HS3ST4: variants seen among roughly 807,000 people sequenced by gnomAD.
HS3ST4 encodes heparan sulfate glucosamine 3-O-sulfotransferase 4.
Under a neutral mutation model 29.2 loss-of-function variants are expected in HS3ST4, and 17 were observed. That is an observed-to-expected ratio of 0.58 (90% CI 0.40 to 0.87). The LOEUF (loss-of-function observed/expected upper bound fraction) is 0.87, where lower values mean the gene tolerates loss of function less well. HS3ST4 is among the 40% of genes least tolerant of loss of function. HS3ST4 has a pLI of 0.00. For synonymous variants in HS3ST4, 314 were observed against 285.7 expected, an observed-to-expected ratio of 1.10 and a Z score of -1.00; for missense variants, 627 against 634.5, an observed-to-expected ratio of 0.99 and a Z score of 0.13.
At chr16:25,856,849 G>A (rs1967578432) in intron 1 of HS3ST4, among the ~76,000 whole-genome samples, 1 of 152,124 alleles carries the variant, frequency 6.6e-6, no homozygotes, top group Admixed American at 6.6e-5. Context: ...GTAATATTAA[G>A]TAAAGTGCCT....
At chr16:25,918,685 G>A (rs987315165) in intron 1 of HS3ST4, among the ~76,000 whole-genome samples, 11 of 152,318 alleles carry the variant, frequency 7.2e-5, no homozygotes, top group Middle Eastern at 3.4e-3. Context: ...CAGTGTGGTC[G>A]GATCTCAGAG....
intron 1 of HS3ST4, among the ~76,000 whole-genome samples, chr16:25,841,332 C>T (rs986331530): frequency 6.6e-6 from 1 of 152,120 alleles, no homozygotes; most frequent in African/African-American, 2.4e-5. Flanking sequence ...CAGAGTTTTG[C>T]TCTGTCACCC....
chr16:25,923,420 C>G (rs1006133689), intron 1 of HS3ST4, among the ~76,000 whole-genome samples: 1 of 152,178 alleles, frequency 6.6e-6, no homozygotes, highest in Non-Finnish European at 1.5e-5. Flanking sequence ...TCCAGGACTG[C>G]TAAACAGAGA....
At chr16:25,900,772 T>G (rs1294062265) in intron 1 of HS3ST4, among the ~76,000 whole-genome samples, 1 of 152,144 alleles carries the variant, frequency 6.6e-6, no homozygotes, top group Non-Finnish European at 1.5e-5. Context: ...CTCCCGGCAC[T>G]GTAACATGGG....
chr16:26,105,764 G>A (rs1567313374), intron 1 of HS3ST4, among the ~76,000 whole-genome samples: 1 of 152,184 alleles, frequency 6.6e-6, no homozygotes, highest in Non-Finnish European at 1.5e-5. Flanking sequence ...TCCCCCATGG[G>A]GCTTGCTTTC....
intron 1 of HS3ST4, among the ~76,000 whole-genome samples, chr16:25,906,675 GGACA>G (rs1318265964): frequency 6.6e-6 from 1 of 152,170 alleles, no homozygotes; most frequent in Non-Finnish European, 1.5e-5. Context: ...CAGGAAAATA[GGACA>G]GACAGAACAC....
At chr16:25,752,466 A>G (rs1596560922) in intron 1 of HS3ST4, among the ~76,000 whole-genome samples, 1 of 152,204 alleles carries the variant, frequency 6.6e-6, no homozygotes. Flanking sequence ...TCAACATGAT[A>G]AAAGGATTTG....
At chr16:26,001,495 A>G (rs1319511397) in intron 1 of HS3ST4, among the ~76,000 whole-genome samples, 1 of 152,148 alleles carries the variant, frequency 6.6e-6, no homozygotes, top group African/African-American at 2.4e-5. Flanking sequence ...ACAAAGTTTA[A>G]AAAATATTTG....
chr16:25,800,908 C>T (rs1966926884), intron 1 of HS3ST4, among the ~76,000 whole-genome samples: 1 of 152,124 alleles, frequency 6.6e-6, no homozygotes, highest in African/African-American at 2.4e-5. Flanking sequence ...TTTGCTGGCA[C>T]CTTGATCTTG....
intron 1 of HS3ST4, among the ~76,000 whole-genome samples, chr16:25,925,969 T>C (rs1456284664): frequency 6.6e-6 from 1 of 152,146 alleles, no homozygotes; most frequent in African/African-American, 2.4e-5. Context: ...ACCCTCTGTC[T>C]GGACAGAAGC....
intron 1 of HS3ST4, among the ~76,000 whole-genome samples, chr16:25,901,334 C>T (rs555149110): frequency 1.3e-5 from 2 of 152,314 alleles, no homozygotes; most frequent in Admixed American, 6.5e-5. Context: ...ATCCCACGTC[C>T]AGCTCCAGGG....
At chr16:26,065,067 A>G (rs1308083118) in intron 1 of HS3ST4, among the ~76,000 whole-genome samples, 1 of 152,184 alleles carries the variant, frequency 6.6e-6, no homozygotes, top group Non-Finnish European at 1.5e-5. Context: ...TATTCATATG[A>G]TTCCTCAAAG....
chr16:25,967,163 T>C (rs934905198), intron 1 of HS3ST4, among the ~76,000 whole-genome samples: 1 of 152,176 alleles, frequency 6.6e-6, no homozygotes. Flanking sequence ...TGTTTTTTGT[T>C]TTTTTGAGAC....
At chr16:25,963,291 G>A (rs774560979) in intron 1 of HS3ST4, among the ~76,000 whole-genome samples, 4 of 151,954 alleles carry the variant, frequency 2.6e-5, no homozygotes, top group Non-Finnish European at 4.4e-5. Context: ...ACTCTAGTTC[G>A]TCATGTTCCT....
intron 1 of HS3ST4, among the ~76,000 whole-genome samples, chr16:26,056,886 G>A (rs1395868827): frequency 6.6e-6 from 1 of 152,152 alleles, no homozygotes; most frequent in Admixed American, 6.5e-5. Context: ...ATTATAAAAT[G>A]TATACCTATT....
chr16:26,043,290 TA>T, intron 1 of HS3ST4, among the ~76,000 whole-genome samples: 1 of 152,158 alleles, frequency 6.6e-6, no homozygotes, highest in Non-Finnish European at 1.5e-5. Flanking sequence ...GGGTTTCAAA[TA>T]AAAAATTAGG....
chr16:26,012,373 C>G (rs764842364), intron 1 of HS3ST4, among the ~76,000 whole-genome samples: 1 of 152,174 alleles, frequency 6.6e-6, no homozygotes, highest in Non-Finnish European at 1.5e-5. Context: ...GAGGAAAGGT[C>G]AAGAGAGTAA....
At chr16:25,710,936 C>T (rs1966411311) in intron 1 of HS3ST4, among the ~76,000 whole-genome samples, 1 of 150,398 alleles carries the variant, frequency 6.6e-6, no homozygotes, top group African/African-American at 2.4e-5. Context: ...CCAGCCTCAG[C>T]CTCCTGAGTA....
intron 1 of HS3ST4, among the ~76,000 whole-genome samples, chr16:25,920,607 TC>T (rs1968340301): frequency 9.5e-6 from 1 of 105,024 alleles, no homozygotes; most frequent in African/African-American, 3.6e-5. Context: ...CCCCCACCCC[TC>T]TTTTTTTTTT....
Sources: gnomAD v4.1 joint callset for allele counts (sites outside exome capture counted in the v4.1 genomes callset) on GRCh38, gnomAD v4.1.1 for gene constraint, MANE v1.5 for transcripts, NCBI Gene and HGNC (gene_info 2026-07-23, HGNC 2026-07-21) for gene names.